TTLL1: variants seen among roughly 807,000 people sequenced by gnomAD.
The protein encoded by TTLL1 is polyglutamylase complex subunit TTLL1.
TTLL1 carries 33 observed loss-of-function variants against 47.8 expected under a neutral mutation model. The observed-to-expected ratio is 0.69, with a 90% confidence interval of 0.52 to 0.92. The LOEUF is 0.92. Among genes scored for constraint, TTLL1 ranks in the 40% least tolerant of loss-of-function variants. The probability of loss-of-function intolerance (pLI) is 0.00; values close to 1 mark genes in which losing one functional copy is unlikely to be tolerated. For synonymous variants in TTLL1, 225 were observed against 214.1 expected (o/e 1.05, Z -0.45); for missense variants, 488 against 547.5 (o/e 0.89, Z 1.08).
At chr22:43,041,674 C>T (rs141991504) in intron 10 of TTLL1, among the ~76,000 whole-genome samples, 1 of 151,628 alleles carries the variant, frequency 6.6e-6, no homozygotes, top group Non-Finnish European at 1.5e-5. Flanking sequence ...GCCACCACGC[C>T]CGGCTAACTT....
At chr22:43,045,068 G>C (rs1926003788) in intron 10 of TTLL1, among the ~76,000 whole-genome samples, 1 of 152,108 alleles carries the variant, frequency 6.6e-6, no homozygotes, top group African/African-American at 2.4e-5. Context: ...TCACCATGTT[G>C]GTCAGGCTGG....
At chr22:43,076,151 G>T (rs924407700) in intron 2 of TTLL1, among the ~76,000 whole-genome samples, 1 of 152,312 alleles carries the variant, frequency 6.6e-6, no homozygotes, top group South Asian at 2.1e-4. Context: ...TGTAACTGCA[G>T]AGTGACCGTA....
rs535347204 is a variant in TTLL1 at position 43,051,902 on chromosome 22, A to C, written c.892-15T>G. The C allele has an allele frequency of 6.2e-7, 1 of 1,613,076 alleles. No homozygotes were observed. The highest frequency in any genetic ancestry group is 1.3e-5 in the African/African-American group (1 of 74,944). The stretch of plus-strand genomic sequence containing the variant: ...TTCATCACCGGCTGGAGAGAGAGTG[A>C]CCAGTGGGTGACATGGCCAGCATCG... On this transcript the variant is annotated splice_polypyrimidine_tract_variant and intron_variant, in intron 8 of 10. Transcript: ENST00000266254.
intron 9 of TTLL1, among the ~76,000 whole-genome samples, chr22:43,051,093 C>T (rs1926584767): frequency 6.6e-6 from 1 of 152,228 alleles, no homozygotes; most frequent in Non-Finnish European, 1.5e-5. Flanking sequence ...GGCAAATGAA[C>T]TTGGTTGGGA....
chr22:43,057,536 C>A (rs1241221037), intron 8 of TTLL1, among the ~76,000 whole-genome samples: 1 of 152,146 alleles, frequency 6.6e-6, no homozygotes, highest in Non-Finnish European at 1.5e-5. Context: ...ATTCTTTGAG[C>A]TTTGGGAGTT....
At chr22:43,058,407 G>A (rs999972587) in intron 8 of TTLL1, among the ~76,000 whole-genome samples, 25 of 152,154 alleles carry the variant, frequency 1.6e-4, no homozygotes, top group African/African-American at 6.0e-4. Flanking sequence ...AAAGAGGCAC[G>A]CCATTTCCAG....
intron 9 of TTLL1, among the ~76,000 whole-genome samples, chr22:43,051,001 A>T (rs1926578363): frequency 6.6e-6 from 1 of 152,234 alleles, no homozygotes; most frequent in African/African-American, 2.4e-5. Flanking sequence ...CCCATAGGGA[A>T]CCAGTCCCTA....
intron 10 of TTLL1, among the ~76,000 whole-genome samples, chr22:43,042,947 T>TC (rs1298439152): frequency 6.7e-6 from 1 of 150,014 alleles, no homozygotes; most frequent in African/African-American, 2.4e-5. Context: ...TCTTTTTTTT[T>TC]TTTTTTTTTT....
intron 1 of TTLL1, among the ~76,000 whole-genome samples, chr22:43,088,625 G>A (rs1389567541): frequency 1.3e-5 from 2 of 151,882 alleles, no homozygotes; most frequent in Non-Finnish European, 2.9e-5. Flanking sequence ...TTACAGGCGT[G>A]AGCCACCGTG....
chr22:43,041,025 C>T (rs1424055802), intron 10 of TTLL1, among the ~76,000 whole-genome samples: 3 of 152,164 alleles, frequency 2.0e-5, no homozygotes, highest in African/African-American at 7.2e-5. Context: ...ATGGGGCCGC[C>T]CCCCTCCACG....
chr22:43,046,706 G>C, intron 9 of TTLL1, 133 bp from the exon 10 acceptor site: 4 of 1,073,756 alleles, frequency 3.7e-6, no homozygotes, highest in Non-Finnish European at 5.3e-6. Context: ...TTTCGCTCTT[G>C]TTGCCCAGGC....
chr22:43,056,468 T>TTA (rs1375630339), intron 8 of TTLL1, among the ~76,000 whole-genome samples: 8 of 146,380 alleles, frequency 5.5e-5, no homozygotes, highest in African/African-American at 2.0e-4. Flanking sequence ...TTGTCTTTTT[T>TTA]TTTTTTTTTT....
In TTLL1 at chr22:43,063,918, G is replaced by T; in HGVS notation, c.642C>A (p.Tyr214Ter). Residue 214 changes from tyrosine to a stop codon, truncating the protein, a stop_gained, in exon 7 of 11, where the codon TAC becomes TAA. Transcript: ENST00000266254. LOFTEE classifies it high-confidence loss of function. ...TGCAGAACCGGCAAAACCCAAGCTT[G>T]TACCTAGGAGGGAATGTAGATTAAT... Reference protein sequence around the residue: ...STYRPLRCYMYKLGFCRFCTV... With the variant: ...STYRPLRCYM The T allele has an allele frequency of 6.2e-7, 1 of 1,613,800 alleles. No individual in the cohort carries two copies. Among genetic ancestry groups the T allele is most frequent in the Non-Finnish European group, 8.5e-7 (1 of 1,179,838 alleles).
chr22:43,078,101 T>C (rs1928628442), intron 2 of TTLL1, among the ~76,000 whole-genome samples: 1 of 151,402 alleles, frequency 6.6e-6, no homozygotes, highest in African/African-American at 2.4e-5. Context: ...AGTGAGACCC[T>C]GTCTTAAAAA....
At chr22:43,064,032 T>G (rs1474007214) in intron 6 of TTLL1, 111 bp from the exon 7 acceptor site, 1 of 1,477,220 alleles carries the variant, frequency 6.8e-7, no homozygotes, top group Non-Finnish European at 9.3e-7. Flanking sequence ...ACGACTCACA[T>G]CGGCATCGGG....
intron 1 of TTLL1, among the ~76,000 whole-genome samples, chr22:43,088,527 T>C (rs1929400939): frequency 6.7e-6 from 1 of 149,894 alleles, no homozygotes; most frequent in African/African-American, 2.5e-5. Flanking sequence ...GTATTTTTAG[T>C]ATAGACGGGG....
chr22:43,064,332 T>A lies in TTLL1; in HGVS notation c.504-8A>T, dbSNP rs1345112767. The A allele has an allele frequency of 6.2e-7, 1 of 1,604,354 alleles. No individual in the cohort carries two copies. The highest frequency in any genetic ancestry group is 2.2e-5 in the East Asian group (1 of 44,792). On this transcript the variant is annotated splice_region_variant and splice_polypyrimidine_tract_variant and intron_variant, in intron 5 of 10. Transcript: ENST00000266254. ...TTAGATTGAGACACAAACCTAAACATGGCAGAGAAAGTAAAAATTAGATGG... is the reference window on the plus strand; with the variant it reads ...TTAGATTGAGACACAAACCTAAACAAGGCAGAGAAAGTAAAAATTAGATGG...
rs1486083387 is a variant in TTLL1, at chr22:43,059,446, C to A, written c.829G>T (p.Val277Leu). 1 of 1,614,106 alleles carries A rather than the reference C, an allele frequency of 6.2e-7. No homozygotes were observed. The highest frequency in any genetic ancestry group is 1.7e-5 in the Admixed American group (1 of 60,004). Residue 277 changes from valine (V) to leucine (L), a missense_variant, in exon 8 of 11, where the codon GTG becomes TTG. Transcript: ENST00000266254. The stretch of plus-strand genomic sequence containing the variant: ...ATCTCGTCGAACAGCTTGCTGGTCA[C>A]CTCCTTGCCGCGGGTGCTCTCCAGG... ...LYLESTRGKE[V>L]TSKLFDEIHW...
chr22:43,059,337 C>T (rs777223878), intron 8 of TTLL1, 47 bp downstream of exon 8: 1 of 1,578,784 alleles, frequency 6.3e-7, no homozygotes, highest in Non-Finnish European at 8.6e-7. Flanking sequence ...CCCCCCCACT[C>T]CCAAACGGGC....
Sources: allele counts gnomAD v4.1 joint callset (sites outside exome capture counted in the v4.1 genomes callset), GRCh38; gene constraint gnomAD v4.1.1; transcripts MANE v1.5; gene names NCBI Gene and HGNC (gene_info 2026-07-23, HGNC 2026-07-21).